Variants in DNAJC22 observed in about 807,000 individuals in gnomAD.
DNAJC22 encodes dnaJ homolog subfamily C member 22.
A neutral mutation model predicts 22.2 loss-of-function variants in DNAJC22; 24 were observed. The ratio of observed to expected loss-of-function variants is 1.08; its 90% CI spans 0.78 to 1.52. The LOEUF (loss-of-function observed/expected upper bound fraction) is 1.52. Among genes scored for constraint, DNAJC22 ranks in the 40% most tolerant of loss-of-function variants. DNAJC22 has a pLI of 0.00. For synonymous variants in DNAJC22, 160 were observed against 167.4 expected (o/e 0.96, Z 0.34); for missense variants, 434 against 421.7 (o/e 1.03, Z -0.26).
In DNAJC22 at chr12:49,349,477, G is replaced by T. The variant is rs758005104; in HGVS notation, c.605G>T (p.Cys202Phe). The change falls in exon 3 of 4, where the codon TGC becomes TTC. Residue 202 changes from cysteine (C) to phenylalanine (F), a missense_variant. Transcript: ENST00000549441. ...FTGPLAYSAL[C>F]NTAATLSYVA... is the part of the protein sequence containing the mutation. ...GGCCCACTGGCATACAGTGCCCTCT[G>T]CAACACAGCTGCCACCCTCAGCTAT... is the stretch of plus-strand genomic sequence containing the variant. 88 of 1,614,094 alleles carry T rather than the reference G, an allele frequency of 5.5e-5. No homozygotes were observed. Among genetic ancestry groups the T allele is most frequent in the Non-Finnish European group, 6.9e-5 (82 of 1,180,046 alleles).
At position 49,348,899 on chromosome 12, in the gene DNAJC22, TGCCCTCTGGGCTGTGGGGG is replaced by T. The variant is rs1864507171; in HGVS notation, c.33_51del (p.Trp12LeufsTer19). Reference sequence around the variant, plus strand: ...TGGCCAAGGGGCTCCTGGTGACCTATGCCCTCTGGGCTGTGGGGGGCCCTGCTGGGCTCCACCACCTGTA... The same window carrying T: ...TGGCCAAGGGGCTCCTGGTGACCTATGCCCTGCTGGGCTCCACCACCTGTA... On this transcript the variant is annotated frameshift_variant, in exon 3 of 4. Coordinates refer to ENST00000549441, the MANE Select transcript of DNAJC22 (RefSeq NM_001304944.2). LOFTEE classifies it high-confidence loss of function. 3 of 1,512,454 alleles carry T rather than the reference TGCCCTCTGGGCTGTGGGGG, an allele frequency of 2.0e-6. No homozygotes were observed. In the East Asian group the frequency reaches 6.9e-5, roughly 35 times the overall value. 93.7% of individuals were successfully genotyped at this position (1,512,454 alleles called of 1,614,324 possible). A position where few individuals can be genotyped will look rare whatever the true frequency, so the allele number is the denominator to read the frequency against.
intron 3 of DNAJC22, among the ~76,000 whole-genome samples, chr12:49,350,744 C>T (rs992500725): frequency 9.2e-5 from 14 of 151,902 alleles, no homozygotes; most frequent in African/African-American, 2.9e-4. Flanking sequence ...GTGCTCCACC[C>T]GCCTCGGCCT....
In DNAJC22 at chr12:49,349,435, C is replaced by T; in HGVS notation, c.563C>T (p.Ala188Val). 1 of 1,613,796 alleles carries T rather than the reference C, an allele frequency of 6.2e-7. No homozygotes were observed. The highest frequency in any genetic ancestry group is 8.5e-7 in the Non-Finnish European group (1 of 1,179,902). ...GTGCGGCTCTATCGTCTGGGCTTGG[C>T]TTACCTTGCTTTCACAGGCCCACTG... ...LSVRLYRLGL[A>V]YLAFTGPLAY... is the part of the protein sequence containing the mutation. Residue 188 changes from alanine to valine, a missense_variant, in exon 3 of 4, where the codon GCT (alanine) becomes GTT (valine). Coordinates refer to ENST00000549441, the MANE Select transcript of DNAJC22 (RefSeq NM_001304944.2).
chr12:49,348,270 G>A (rs1943725743), intron 2 of DNAJC22, among the ~76,000 whole-genome samples, 165 bp downstream of exon 2: 1 of 152,202 alleles, frequency 6.6e-6, no homozygotes, highest in Non-Finnish European at 1.5e-5. Flanking sequence ...GTTGAATTGT[G>A]GGGTGCCAAG....
In DNAJC22 at chr12:49,352,145, G is replaced by C. The variant is rs750427389; in HGVS notation, c.*643G>C. On this transcript the variant is annotated 3_prime_UTR_variant, in exon 4 of 4. Transcript: ENST00000549441. Reference sequence around the variant, plus strand: ...TTAATTAGAAAAAATATATCTTTTAGAGAACACACCACCTTATCCCACCCA... The same window carrying C: ...TTAATTAGAAAAAATATATCTTTTACAGAACACACCACCTTATCCCACCCA... The C allele has an allele frequency of 4.6e-5, 7 of 152,178 alleles. No homozygotes were observed. The highest frequency in any genetic ancestry group is 1.0e-4 in the Non-Finnish European group (7 of 68,034). 9.4% of individuals were successfully genotyped at this position (152,178 alleles called of 1,614,324 possible). A position where few individuals can be genotyped will look rare whatever the true frequency, so the allele number is the denominator to read the frequency against.
rs200004782 is a variant in DNAJC22, at chr12:49,349,301, T to C, written c.429T>C (p.Pro143=). 2.8e-5 allele frequency: 45 copies of C among 1,613,914 alleles called. No homozygotes were observed. Among genetic ancestry groups the C allele is most frequent in the Non-Finnish European group, 3.6e-5 (43 of 1,179,974 alleles). ...NTLGSAFLTS[P]IFYGRPIAIL... ...TGGGGTCAGCATTTCTCACTTCACCTATCTTCTATGGCCGCCCCATAGCCA... is the reference window on the plus strand; with the variant it reads ...TGGGGTCAGCATTTCTCACTTCACCCATCTTCTATGGCCGCCCCATAGCCA... Residue 143 remains proline (P), a synonymous_variant, in exon 3 of 4, where the codon CCT becomes CCC. Coordinates refer to ENST00000549441, the MANE Select transcript of DNAJC22 (RefSeq NM_001304944.2).
intron 3 of DNAJC22, among the ~76,000 whole-genome samples, chr12:49,350,163 G>T (rs1465917616): frequency 6.6e-6 from 1 of 151,278 alleles, no homozygotes; most frequent in East Asian, 1.9e-4. Flanking sequence ...TGCAACCTCT[G>T]CCTCCTGGGT....
Position 49,349,351 on chromosome 12 carries a change from G to A in DNAJC22, c.479G>A (p.Ser160Asn). ...IAILPISVAA[S>N]ITAQRHRRYK... ...ATACTGCCCATTAGCGTGGCCGCCA[G>A]CATTACAGCTCAGAGGCATCGCCGC... Residue 160 changes from serine (S) to asparagine (N), a missense_variant, in exon 3 of 4, where the codon AGC becomes AAC. By Grantham distance (46) the Ser-to-Asn change is conservative (BLOSUM62 1). Transcript: ENST00000549441. 2 of 1,608,662 alleles carry A rather than the reference G, an allele frequency of 1.2e-6. No homozygotes were observed. The highest frequency in any genetic ancestry group is 1.7e-6 in the Non-Finnish European group (2 of 1,177,340).
chr12:49,349,584 C>A lies in DNAJC22; in HGVS notation c.712C>A (p.Leu238Met). 1 of 1,614,244 alleles carries A rather than the reference C, an allele frequency of 6.2e-7. No homozygotes were observed. Among genetic ancestry groups the A allele is most frequent in the Non-Finnish European group, 8.5e-7 (1 of 1,180,042 alleles). ...LGRLMEFVLL[L>M]PYRIWRLLMG... ...CCGCCTCATGGAGTTTGTCCTCCTT[C>A]TGCCTTACCGGATCTGGAGGCTACT... is the stretch of plus-strand genomic sequence containing the variant. Residue 238 changes from leucine to methionine, a missense_variant, in exon 3 of 4, where the codon CTG becomes ATG. By Grantham distance (15) the Leu-to-Met change is conservative (BLOSUM62 2). Coordinates refer to ENST00000549441, the MANE Select transcript of DNAJC22 (RefSeq NM_001304944.2).
At chr12:49,348,376 G>A (rs1316091081) in intron 2 of DNAJC22, among the ~76,000 whole-genome samples, 1 of 152,208 alleles carries the variant, frequency 6.6e-6, no homozygotes, top group Non-Finnish European at 1.5e-5. Flanking sequence ...GGCCTGGAGA[G>A]TTAGGAAGGC....
rs1462482198 is a variant in DNAJC22 at position 49,348,938 on chromosome 12, C to T, written c.66C>T (p.His22=). The T allele has an allele frequency of 6.6e-7, 1 of 1,524,982 alleles. No homozygotes were observed. The highest frequency in any genetic ancestry group is 1.4e-5 in the African/African-American group (1 of 71,822). 94.5% of individuals were successfully genotyped at this position (1,524,982 alleles called of 1,614,324 possible). A position where few individuals can be genotyped will look rare whatever the true frequency, so the allele number is the denominator to read the frequency against. ...TGGGGGGCCCTGCTGGGCTCCACCA[C>T]CTGTACCTGGGAAGGGACAGCCACG... The part of the protein sequence containing the change: ...WAVGGPAGLH[H]LYLGRDSHAL... The change falls in exon 3 of 4, where the codon CAC becomes CAT. Residue 22 remains histidine, a synonymous_variant. Transcript: ENST00000549441.
In DNAJC22 at chr12:49,350,022, G is replaced by A. The variant is rs1270134416; in HGVS notation, c.840+310G>A. ...TTCTCAGCCTATACTCCCACCTTCA[G>A]AGGTCATTTCTATTCAGACTTTCGT... On this transcript the variant is annotated intron_variant, in intron 3 of 3. Coordinates refer to ENST00000549441, the MANE Select transcript of DNAJC22 (RefSeq NM_001304944.2). Among the ~76,000 whole-genome samples the A allele has an allele frequency of 2.0e-5, 3 of 152,138 alleles. No homozygotes were observed. The East Asian group carries it at 5.8e-4, about 29-fold the overall frequency.
In DNAJC22 at chr12:49,349,558, G is replaced by A; in HGVS notation, c.686G>A (p.Gly229Asp). The A allele has an allele frequency of 6.2e-7, 1 of 1,614,224 alleles. No individual in the cohort carries two copies. Reference protein sequence around the residue: ...LNWFSFFPLLGRLMEFVLLLP... With the variant: ...LNWFSFFPLLDRLMEFVLLLP... The stretch of plus-strand genomic sequence containing the variant: ...TGGTTCAGCTTCTTCCCCCTTCTTG[G>A]CCGCCTCATGGAGTTTGTCCTCCTT... The change falls in exon 3 of 4, where the codon GGC becomes GAC. Residue 229 changes from glycine (G) to aspartate (D), a missense_variant. Transcript: ENST00000549441.
At chr12:49,351,061 G>A (rs1031038731) in intron 3 of DNAJC22, 3 of 777,000 alleles carry the variant, frequency 3.9e-6, no homozygotes, top group African/African-American at 3.8e-5. Context: ...GGCAGTTGTG[G>A]TTAATGGCTC....
At position 49,351,449 on chromosome 12, in the gene DNAJC22, G is replaced by T. The variant is rs1387038847; in HGVS notation, c.973G>T (p.Ala325Ser). The T allele has an allele frequency of 1.9e-6, 3 of 1,602,450 alleles. No individual in the cohort carries two copies. Among genetic ancestry groups the T allele is most frequent in the Non-Finnish European group, 2.6e-6 (3 of 1,175,994 alleles). Reference protein sequence around the residue: ...EAQRHFLEIQAAYEVLSQPRK... With the variant: ...EAQRHFLEIQSAYEVLSQPRK... The stretch of plus-strand genomic sequence containing the variant: ...ACAGAGGCACTTCCTGGAGATCCAG[G>T]CTGCGTATGAAGTCCTGAGTCAACC... The change falls in exon 4 of 4, where the codon GCT becomes TCT. Residue 325 changes from alanine to serine, a missense_variant. Transcript: ENST00000549441.
Position 49,349,496 on chromosome 12 carries a change from C to T in DNAJC22, c.624C>T (p.Leu208=), listed in dbSNP as rs1943749968. ...CCCTCTGCAACACAGCTGCCACCCT[C>T]AGCTATGTGGCAGAAACCTTTGGCT... The part of the protein sequence containing the change: ...YSALCNTAAT[L]SYVAETFGSF... Residue 208 remains leucine, a synonymous_variant, in exon 3 of 4, where the codon CTC becomes CTT. Transcript: ENST00000549441. 10 of 1,614,144 alleles carry T rather than the reference C, an allele frequency of 6.2e-6. No individual in the cohort carries two copies. Among genetic ancestry groups the T allele is most frequent in the South Asian group, 1.1e-5 (1 of 91,090 alleles).
In DNAJC22 at chr12:49,352,950, GGT is replaced by G. The variant is rs1292287167; in HGVS notation, c.*1449_*1450del. 4.6e-5 allele frequency: 7 copies of G among 152,160 alleles called. No individual in the cohort carries two copies. Among genetic ancestry groups the G allele is most frequent in the African/African-American group, 1.7e-4 (7 of 41,432 alleles). The allele number at this position is 152,160 out of a possible 1,614,324, so 9.4% of individuals were successfully genotyped here. ...CAATCTGATGGGAGATAATGACACAGGTACACAGATATCAAAGCCCTTGTTCA... is the reference window on the plus strand; with the variant it reads ...CAATCTGATGGGAGATAATGACACAGACACAGATATCAAAGCCCTTGTTCA... On this transcript the variant is annotated 3_prime_UTR_variant, in exon 4 of 4. Transcript: ENST00000549441.
chr12:49,351,186 G>A (rs1401336047), intron 3 of DNAJC22, 131 bp from the exon 4 acceptor site: 1 of 1,506,460 alleles, frequency 6.6e-7, no homozygotes, highest in Non-Finnish European at 8.8e-7. Flanking sequence ...CTGAGCTGCT[G>A]GACCTTTCCC....
intron 3 of DNAJC22, chr12:49,351,097 A>T (rs764420861): frequency 1.1e-6 from 1 of 941,876 alleles, no homozygotes; most frequent in Non-Finnish European, 1.3e-6. Flanking sequence ...GAGCTTGTCT[A>T]TGTTTCAAAA....
Sources: gnomAD v4.1 joint callset for allele counts (sites outside exome capture counted in the v4.1 genomes callset) on GRCh38, gnomAD v4.1.1 for gene constraint, MANE v1.5 for transcripts, NCBI Gene and HGNC (gene_info 2026-07-23, HGNC 2026-07-21) for gene names.